APP: variants seen among roughly 807,000 people sequenced by gnomAD.
The protein encoded by APP is amyloid-beta precursor protein.
APP carries 31 observed loss-of-function variants against 101.4 expected under a neutral mutation model. The observed-to-expected ratio is 0.31, with a 90% CI of 0.23 to 0.41. The LOEUF is 0.41. Ranked by LOEUF, APP falls within the 10% of genes least tolerant of loss-of-function variation. APP has a pLI of 1.00. For synonymous variants in APP, 366 were observed against 364.4 expected (o/e 1.00, Z -0.05); for missense variants, 839 against 1,003.7 (o/e 0.84, Z 2.22).
intron 6 of APP, 90 bp downstream of exon 6, chr21:26,021,750 G>C: frequency 2.6e-6 from 4 of 1,515,972 alleles, no homozygotes; most frequent in Non-Finnish European, 8.9e-7. Flanking sequence ...GATTGGGGAA[G>C]GCAGTGGTGC....
chr21:26,067,641 A>G (rs2046508421), intron 3 of APP, among the ~76,000 whole-genome samples: 1 of 152,220 alleles, frequency 6.6e-6, no homozygotes. Flanking sequence ...CCTATTGATC[A>G]GCAAACTGCT....
chr21:26,135,744 T>C (rs943071511), intron 1 of APP, among the ~76,000 whole-genome samples: 4 of 152,082 alleles, frequency 2.6e-5, no homozygotes, highest in East Asian at 1.9e-4. Context: ...CAGATCTTTA[T>C]CTCCCCAATG....
At chr21:26,022,149 C>A in intron 5 of APP, 107 bp from the exon 6 acceptor site, 3 of 1,295,806 alleles carry the variant, frequency 2.3e-6, no homozygotes, top group South Asian at 1.2e-5. Flanking sequence ...AGAAACACAC[C>A]CAAAACTTCA....
intron 16 of APP, among the ~76,000 whole-genome samples, chr21:25,896,863 AAAAG>A (rs1451447136): frequency 6.6e-6 from 1 of 152,196 alleles, no homozygotes; most frequent in Non-Finnish European, 1.5e-5. Context: ...GGAGGGAATG[AAAAG>A]AAAGAGCTGG....
intron 6 of APP, among the ~76,000 whole-genome samples, chr21:26,006,297 T>G (rs920613513): frequency 1.1e-4 from 17 of 152,240 alleles, no homozygotes; most frequent in Admixed American, 3.3e-4. Flanking sequence ...TTTCTGATAT[T>G]CACTTATCTG....
chr21:26,056,734 G>C (rs1221285974), intron 3 of APP, among the ~76,000 whole-genome samples: 4 of 152,122 alleles, frequency 2.6e-5, no homozygotes, highest in Non-Finnish European at 5.9e-5. Context: ...AAATGAGAAT[G>C]GTTTTTTAAA....
At chr21:25,925,523 G>T (rs1301142189) in intron 13 of APP, among the ~76,000 whole-genome samples, 1 of 152,092 alleles carries the variant, frequency 6.6e-6, no homozygotes, top group Non-Finnish European at 1.5e-5. Context: ...TGATCCCCAG[G>T]TGACTCTCAT....
intron 8 of APP, among the ~76,000 whole-genome samples, chr21:25,984,815 G>A (rs2042577322): frequency 6.6e-6 from 1 of 152,144 alleles, no homozygotes; most frequent in African/African-American, 2.4e-5. Context: ...CTGGCAGAAT[G>A]ACATGTTTAG....
At chr21:25,886,463 G>A (rs932074159) in intron 17 of APP, among the ~76,000 whole-genome samples, 1 of 151,568 alleles carries the variant, frequency 6.6e-6, no homozygotes, top group East Asian at 1.9e-4. Flanking sequence ...GCGTGATTTT[G>A]GCTCACTGCA....
At chr21:26,119,561 CTTTA>C (rs765775571) in intron 1 of APP, among the ~76,000 whole-genome samples, 16 of 152,308 alleles carry the variant, frequency 1.1e-4, no homozygotes, top group East Asian at 3.9e-4. Context: ...TCAACCCTTA[CTTTA>C]TTTAATGTGT....
At chr21:25,902,854 T>C (rs1313973998) in intron 15 of APP, among the ~76,000 whole-genome samples, 3 of 152,232 alleles carry the variant, frequency 2.0e-5, no homozygotes, top group African/African-American at 7.2e-5. Context: ...ACCCTACCGT[T>C]TAATTTCTTT....
chr21:26,007,378 GATTAT>G (rs2043578886), intron 6 of APP, among the ~76,000 whole-genome samples: 1 of 145,774 alleles, frequency 6.9e-6, no homozygotes, highest in Non-Finnish European at 1.5e-5. Context: ...TAATATATTA[GATTAT>G]AATATATTAT....
In APP at chr21:25,891,178, A is replaced by G. The variant is rs1164275502; in HGVS notation, c.2211+544T>C. 2.0e-5 allele frequency among the ~76,000 whole-genome samples: 3 copies of G among 151,532 alleles called. No individual in the cohort carries two copies. The East Asian group carries it at 5.8e-4, about 29-fold the overall frequency. Reference sequence around the variant, plus strand: ...GTTGCAGAACTCTCAAATAACAATCATGTATGTTTTGGTGGGCCATTTGGT... The same window carrying G: ...GTTGCAGAACTCTCAAATAACAATCGTGTATGTTTTGGTGGGCCATTTGGT... On this transcript the variant is annotated intron_variant, in intron 17 of 17. Coordinates refer to ENST00000346798, the MANE Select transcript of APP (RefSeq NM_000484.4).
intron 17 of APP, among the ~76,000 whole-genome samples, chr21:25,891,440 T>A (rs2037689264): frequency 6.6e-6 from 1 of 152,234 alleles, no homozygotes; most frequent in South Asian, 2.1e-4. Context: ...TAATCATGCT[T>A]TTTTAAAGTC....
chr21:26,105,087 A>G (rs7283050), intron 2 of APP, among the ~76,000 whole-genome samples: 60,194 of 132,234 alleles, frequency 0.46, 14,784 homozygotes, highest in East Asian at 0.64. Context: ...AAAAAAAAAA[A>G]AAGAAGAAGA....
At chr21:25,904,291 C>T (rs1205555161) in intron 15 of APP, among the ~76,000 whole-genome samples, 1 of 152,134 alleles carries the variant, frequency 6.6e-6, no homozygotes, top group Admixed American at 6.5e-5. Context: ...TATGCTTCTG[C>T]TGTGCTATGA....
At chr21:25,957,998 C>CA (rs1393282295) in intron 11 of APP, among the ~76,000 whole-genome samples, 10 of 151,496 alleles carry the variant, frequency 6.6e-5, no homozygotes, top group Non-Finnish European at 1.5e-4. Context: ...TTAAAAAAAA[C>CA]AAAAAACAAA....
intron 11 of APP, among the ~76,000 whole-genome samples, chr21:25,970,942 T>A (rs533608373): frequency 6.6e-6 from 1 of 152,208 alleles, no homozygotes; most frequent in Non-Finnish European, 1.5e-5. Context: ...TCTGGTTAAG[T>A]TGCATAAAAT....
chr21:26,089,749 A>C (rs1455091145), intron 3 of APP, 194 bp downstream of exon 3: 2 of 670,178 alleles, frequency 3.0e-6, no homozygotes, highest in African/African-American at 3.6e-5. Flanking sequence ...ATTCTGAGGC[A>C]GGGAACTCAA....
Sources: gnomAD v4.1 joint callset for allele counts (sites outside exome capture counted in the v4.1 genomes callset) on GRCh38, gnomAD v4.1.1 for gene constraint, MANE v1.5 for transcripts, NCBI Gene and HGNC (gene_info 2026-07-23, HGNC 2026-07-21) for gene names.